Variants in DNAH11 observed in about 807,000 individuals in gnomAD.
The protein encoded by DNAH11 is dynein axonemal heavy chain 11.
A neutral mutation model predicts 526.0 loss-of-function variants in DNAH11; 442 were observed. The observed-to-expected ratio is 0.84, with a 90% confidence interval of 0.78 to 0.91. The LOEUF is 0.91. DNAH11 is among the 40% of genes least tolerant of loss of function. DNAH11 has a pLI of 0.00. For missense variants in DNAH11, 6,989 were observed against 5,448.7 expected, an observed-to-expected ratio of 1.28 and a Z score of -8.90; for synonymous variants, 2,461 against 1,935.9, an observed-to-expected ratio of 1.27 and a Z score of -7.12.
chr7:21,860,130 T>G (rs1467610876), intron 68 of DNAH11, among the ~76,000 whole-genome samples: 1 of 151,924 alleles, frequency 6.6e-6, no homozygotes, highest in African/African-American at 2.4e-5. Context: ...CCACGGTCAC[T>G]CCACCGCACT....
chr7:21,802,061 T>G (rs1789019764), intron 62 of DNAH11, among the ~76,000 whole-genome samples: 1 of 152,216 alleles, frequency 6.6e-6, no homozygotes, highest in Admixed American at 6.5e-5. Context: ...AACAGGGATG[T>G]GGATAACGTT....
chr7:21,847,518 C>G (rs60245714), intron 66 of DNAH11, among the ~76,000 whole-genome samples: 1 of 151,826 alleles, frequency 6.6e-6, no homozygotes, highest in East Asian at 1.9e-4. Context: ...TGATTTCTTA[C>G]GTAATTTTGT....
At chr7:21,739,727 C>G (rs758495704) in intron 48 of DNAH11, 54 bp downstream of exon 48, 69 of 1,366,590 alleles carry the variant, frequency 5.0e-5, no homozygotes, top group Non-Finnish European at 7.0e-5. Flanking sequence ...GTATTGTTTT[C>G]GAGTACAGCT....
In DNAH11 at chr7:21,767,726, ATG is replaced by A. The variant is rs370217719; in HGVS notation, c.9102+2141_9102+2142del. 2.0e-5 allele frequency among the ~76,000 whole-genome samples: 3 copies of A among 152,318 alleles called. No individual in the cohort carries two copies. The East Asian group carries it at 5.8e-4, about 29-fold the overall frequency. On this transcript the variant is annotated intron_variant, in intron 55 of 81. Coordinates refer to ENST00000409508, the MANE Select transcript of DNAH11 (RefSeq NM_001277115.2). ...AGCAATAATTATAATTCAGAGTACAATGTGTCCATGGTCTTCTAAAAACCTGT... is the reference window on the plus strand; with the variant it reads ...AGCAATAATTATAATTCAGAGTACAATGTCCATGGTCTTCTAAAAACCTGT...
At chr7:21,818,841 A>T (rs1789929202) in intron 65 of DNAH11, among the ~76,000 whole-genome samples, 1 of 152,194 alleles carries the variant, frequency 6.6e-6, no homozygotes, top group Admixed American at 6.6e-5. Context: ...CCCTGAAATC[A>T]TCCCTTATGC....
intron 69 of DNAH11, among the ~76,000 whole-genome samples, chr7:21,864,250 A>G (rs1783181740): frequency 6.6e-6 from 1 of 152,248 alleles, no homozygotes; most frequent in South Asian, 2.1e-4. Flanking sequence ...ATAATAAAAC[A>G]CTTAATACGA....
chr7:21,899,676 G>A (rs1784675603), intron 80 of DNAH11, among the ~76,000 whole-genome samples: 1 of 152,134 alleles, frequency 6.6e-6, no homozygotes, highest in African/African-American at 2.4e-5. Context: ...AGTGAGGTGG[G>A]GCACGGTGTG....
chr7:21,661,658 T>C (rs1205721491), intron 30 of DNAH11, among the ~76,000 whole-genome samples: 1 of 152,106 alleles, frequency 6.6e-6, no homozygotes, highest in East Asian at 1.9e-4. Context: ...CAGGGCCAGA[T>C]TAAGTAGACT....
intron 65 of DNAH11, among the ~76,000 whole-genome samples, chr7:21,830,870 TG>T (rs2128008564): frequency 6.6e-6 from 1 of 152,324 alleles, no homozygotes; most frequent in South Asian, 2.1e-4. Context: ...ATATGGTATT[TG>T]TACTCAGAAA....
intron 62 of DNAH11, among the ~76,000 whole-genome samples, chr7:21,806,348 T>C (rs896344810): frequency 6.6e-6 from 1 of 152,214 alleles, no homozygotes; most frequent in Non-Finnish European, 1.5e-5. Flanking sequence ...TGAAAATTAA[T>C]GCATATGTTG....
intron 31 of DNAH11, among the ~76,000 whole-genome samples, chr7:21,683,113 A>G (rs1471315443): frequency 3.3e-5 from 5 of 152,174 alleles, no homozygotes; most frequent in African/African-American, 7.2e-5. Flanking sequence ...CTAATACCCA[A>G]CCATCTAATA....
chr7:21,884,348 A>G lies in DNAH11; in HGVS notation c.12445A>G (p.Thr4149Ala). The change falls in exon 76 of 82, where the codon ACA becomes GCA. Residue 4149 changes from threonine (T) to alanine (A), a missense_variant. By Grantham distance (58) the Thr-to-Ala change is moderately conservative. Transcript: ENST00000409508. ...FGEIMYGGHI[T>A]DDWDRKLCRV... ...TGAGATCATGTATGGAGGCCACATC[A>G]CAGATGACTGGGATCGCAAACTGTG... The G allele has an allele frequency of 6.2e-7, 1 of 1,613,512 alleles. No individual in the cohort carries two copies. Among genetic ancestry groups the G allele is most frequent in the Non-Finnish European group, 8.5e-7 (1 of 1,179,596 alleles).
chr7:21,616,527 C>G (rs1785791610), intron 22 of DNAH11, among the ~76,000 whole-genome samples: 1 of 152,100 alleles, frequency 6.6e-6, no homozygotes, highest in Non-Finnish European at 1.5e-5. Context: ...AGAAGCTACT[C>G]TAATTATGAG....
At position 21,773,840 on chromosome 7, in the gene DNAH11, T is replaced by G; in HGVS notation, c.9177T>G (p.Tyr3059Ter). 6.2e-7 allele frequency: 1 copy of G among 1,609,064 alleles called. No individual in the cohort carries two copies. The highest frequency in any genetic ancestry group is 8.5e-7 in the Non-Finnish European group (1 of 1,177,770). The change falls in exon 56 of 82, where the codon TAT becomes TAG. Residue 3059 changes from tyrosine (Y) to a stop codon, truncating the protein, a stop_gained. Transcript: ENST00000409508. LOFTEE classifies it high-confidence loss of function. ...CTGTAAATGAAATGAGTACCAGATA[T>G]TACCAGAATGAGAGAAGACACAACT... ...HTTVNEMSTR[Y>*]YQNERRHNYT...
At chr7:21,769,690 GC>G (rs1787340637) in intron 55 of DNAH11, among the ~76,000 whole-genome samples, 1 of 151,944 alleles carries the variant, frequency 6.6e-6, no homozygotes, top group Non-Finnish European at 1.5e-5. Context: ...TCACCATGTT[GC>G]CCAGGCTGGT....
intron 14 of DNAH11, among the ~76,000 whole-genome samples, chr7:21,592,725 C>T (rs919567639): frequency 1.3e-5 from 2 of 152,154 alleles, no homozygotes; most frequent in African/African-American, 4.8e-5. Flanking sequence ...TCATATCCTG[C>T]AGATATTTTG....
chr7:21,573,693 G>A (rs969463394), intron 8 of DNAH11, among the ~76,000 whole-genome samples: 5 of 152,042 alleles, frequency 3.3e-5, no homozygotes, highest in African/African-American at 1.2e-4. Flanking sequence ...CCTAGTGTAT[G>A]CATATATTTG....
intron 28 of DNAH11, among the ~76,000 whole-genome samples, chr7:21,655,324 T>G (rs1432746422): frequency 1.3e-5 from 2 of 152,218 alleles, no homozygotes; most frequent in East Asian, 1.9e-4. Context: ...CTACTCATCT[T>G]TCTTATGTAC....
intron 27 of DNAH11, among the ~76,000 whole-genome samples, chr7:21,638,695 T>G (rs112333532): frequency 2.3e-4 from 10 of 43,180 alleles, no homozygotes; most frequent in African/African-American, 5.7e-4. Context: ...TAATGGGGTG[T>G]GTGTGTGTGT....
Sources: gnomAD v4.1 joint callset for allele counts (sites outside exome capture counted in the v4.1 genomes callset) on GRCh38, gnomAD v4.1.1 for gene constraint, MANE v1.5 for transcripts, NCBI Gene and HGNC (gene_info 2026-07-23, HGNC 2026-07-21) for gene names.